Variants in FAM13A observed in about 807,000 individuals in gnomAD.
The protein encoded by FAM13A is family with sequence similarity 13 member A.
Under a neutral mutation model 129.6 loss-of-function variants are expected in FAM13A, and 76 were observed. The observed-to-expected ratio is 0.59, with a 90% confidence interval of 0.49 to 0.71. The LOEUF is 0.71. Among genes scored for constraint, FAM13A ranks in the 30% least tolerant of loss-of-function variants. FAM13A has a pLI of 0.00. For missense variants in FAM13A, 1,108 were observed against 1,249.3 expected, an observed-to-expected ratio of 0.89 and a Z score of 1.70; for synonymous variants, 443 against 449.9, an observed-to-expected ratio of 0.98 and a Z score of 0.20.
At chr4:88,735,067 C>T (rs1266691289) in intron 21 of FAM13A, among the ~76,000 whole-genome samples, 1 of 152,120 alleles carries the variant, frequency 6.6e-6, no homozygotes, top group Non-Finnish European at 1.5e-5. Context: ...ACCCGTATCA[C>T]ATAAGGAAGA....
In FAM13A at chr4:88,787,834, A is replaced by G. The variant is rs2149658226; in HGVS notation, c.1190T>C (p.Leu397Pro). The change falls in exon 10 of 24, where the codon CTA (leucine) becomes CCA (proline). Residue 397 changes from leucine (L) to proline (P), a missense_variant. Transcript: ENST00000264344. Reference protein sequence around the residue: ...QSSEDSESGTLSASSATSARQ... With the variant: ...QSSEDSESGTPSASSATSARQ... Reference sequence around the variant, plus strand: ...GGCAGATGTGGCAGAAGATGCTGATAGTGTTCCAGATTCTGAGTCCTCTGA... The same window carrying G: ...GGCAGATGTGGCAGAAGATGCTGATGGTGTTCCAGATTCTGAGTCCTCTGA... 1 of 1,613,702 alleles carries G rather than the reference A, an allele frequency of 6.2e-7. No individual in the cohort carries two copies. Among genetic ancestry groups the G allele is most frequent in the East Asian group, 2.2e-5 (1 of 44,866 alleles).
intron 11 of FAM13A, among the ~76,000 whole-genome samples, chr4:88,780,267 T>C (rs1280160134): frequency 1.3e-5 from 2 of 152,164 alleles, no homozygotes; most frequent in African/African-American, 4.8e-5. Context: ...ATGCAGAAAT[T>C]GACAATGAGA....
intron 3 of FAM13A, among the ~76,000 whole-genome samples, chr4:88,991,519 G>A (rs532780378): frequency 7.4e-4 from 112 of 152,242 alleles, no homozygotes; most frequent in African/African-American, 2.6e-3. Flanking sequence ...TTTATTCAGT[G>A]CACAAAATGG....
intron 20 of FAM13A, chr4:88,737,786 C>T (rs1377819260): frequency 5.5e-6 from 3 of 546,816 alleles, no homozygotes; most frequent in Non-Finnish European, 9.7e-6. Context: ...ACAGCAAGAA[C>T]AGCACAGGAG....
intron 6 of FAM13A, among the ~76,000 whole-genome samples, chr4:88,851,587 C>G (rs192262787): frequency 2.1e-4 from 32 of 152,192 alleles, no homozygotes; most frequent in Admixed American, 1.3e-4. Flanking sequence ...GAGCTAAGAA[C>G]CACTGGAATA....
Position 88,750,630 on chromosome 4 carries a change from G to T in FAM13A, c.1734C>A (p.Ile578=). The change falls in exon 15 of 24, where the codon ATC becomes ATA. Residue 578 remains isoleucine, a synonymous_variant. Transcript: ENST00000264344. ...LCDEKNWEEP[I]PAFSSWQREN... ...CCCGCTGCCAGGAGGAGAAAGCAGGGATAGGCTCTGGAAGATAAGGGCAGT... is the reference window on the plus strand; with the variant it reads ...CCCGCTGCCAGGAGGAGAAAGCAGGTATAGGCTCTGGAAGATAAGGGCAGT... 1 of 1,607,572 alleles carries T rather than the reference G, an allele frequency of 6.2e-7. No homozygotes were observed.
At chr4:88,794,404 A>G (rs2149690425) in intron 8 of FAM13A, among the ~76,000 whole-genome samples, 1 of 152,038 alleles carries the variant, frequency 6.6e-6, no homozygotes, top group East Asian at 1.9e-4. Context: ...AACCCAAACT[A>G]TATTTCCTTA....
intron 13 of FAM13A, among the ~76,000 whole-genome samples, chr4:88,759,624 G>C (rs1744405207): frequency 1.3e-5 from 2 of 152,000 alleles, no homozygotes; most frequent in African/African-American, 4.8e-5. Context: ...TAAGTAAAAA[G>C]TCAAGAGCTG....
intron 11 of FAM13A, chr4:88,768,368 A>G (rs1181742985): frequency 5.4e-6 from 1 of 186,662 alleles, no homozygotes; most frequent in East Asian, 1.3e-4. Flanking sequence ...AGCAAAACCC[A>G]GATTGTTAGA....
At chr4:88,821,997 G>A (rs1207986753) in intron 7 of FAM13A, among the ~76,000 whole-genome samples, 1 of 152,044 alleles carries the variant, frequency 6.6e-6, no homozygotes, top group East Asian at 1.9e-4. Flanking sequence ...TGAAATATTT[G>A]TGGCATGGTT....
At chr4:89,010,503 G>A (rs778498228) in intron 3 of FAM13A, among the ~76,000 whole-genome samples, 5 of 152,148 alleles carry the variant, frequency 3.3e-5, no homozygotes, top group Non-Finnish European at 1.5e-5. Context: ...AAAAGATCAG[G>A]TCTGAGGAGC....
chr4:88,839,615 A>G (rs1294490818), intron 7 of FAM13A, among the ~76,000 whole-genome samples: 2 of 152,206 alleles, frequency 1.3e-5, no homozygotes, highest in African/African-American at 4.8e-5. Flanking sequence ...GGCTGGGCAC[A>G]GTGGCTCACG....
At chr4:88,841,493 C>CAAAAAAAAAAAAAAAAAAA (rs35396785) in intron 7 of FAM13A, among the ~76,000 whole-genome samples, 1 of 96,650 alleles carries the variant, frequency 1.0e-5, no homozygotes, top group Non-Finnish European at 2.1e-5. Flanking sequence ...GACTCTGTCT[C>CAAAAAAAAAAAAAAAAAAA]AAAAAAAAAA....
chr4:88,845,353 T>G (rs907079537), intron 7 of FAM13A, among the ~76,000 whole-genome samples: 5 of 152,106 alleles, frequency 3.3e-5, no homozygotes, highest in Non-Finnish European at 4.4e-5. Context: ...TGGCAGCCAC[T>G]GGAGAACTAG....
intron 13 of FAM13A, among the ~76,000 whole-genome samples, chr4:88,762,777 T>A (rs1745047587): frequency 6.6e-6 from 1 of 152,064 alleles, no homozygotes; most frequent in African/African-American, 2.4e-5. Flanking sequence ...TATCTGTTTC[T>A]CCTACTAGAT....
At chr4:88,745,851 ATTTT>A (rs201087138) in intron 19 of FAM13A, among the ~76,000 whole-genome samples, 1 of 142,494 alleles carries the variant, frequency 7.0e-6, no homozygotes. Context: ...CAGTGCCAGC[ATTTT>A]TTTTTTTTTT....
chr4:88,781,857 G>GGA (rs1265233512), intron 10 of FAM13A, among the ~76,000 whole-genome samples: 1 of 149,494 alleles, frequency 6.7e-6, no homozygotes, highest in East Asian at 1.9e-4. Context: ...GGGGGAGCGG[G>GGA]GAGGGATAGC....
intron 4 of FAM13A, among the ~76,000 whole-genome samples, chr4:88,954,493 T>C (rs75664522): frequency 2.9e-4 from 44 of 152,226 alleles, no homozygotes; most frequent in African/African-American, 1.0e-3. Context: ...AGTTTACAAA[T>C]AAGGTCAAGG....
chr4:88,978,699 CA>C (rs1440072140), intron 4 of FAM13A, among the ~76,000 whole-genome samples: 1 of 151,932 alleles, frequency 6.6e-6, no homozygotes, highest in East Asian at 1.9e-4. Flanking sequence ...GAGGCTGAGG[CA>C]GGAGAATGGG....
Sources: allele counts gnomAD v4.1 joint callset (sites outside exome capture counted in the v4.1 genomes callset), GRCh38; gene constraint gnomAD v4.1.1; transcripts MANE v1.5; gene names NCBI Gene and HGNC (gene_info 2026-07-23, HGNC 2026-07-21).